Variants in LHFPL5 observed in about 807,000 individuals in gnomAD.
LHFPL5 encodes the protein LHFPL tetraspan subfamily member 5 protein.
A neutral mutation model predicts 18.7 loss-of-function variants in LHFPL5; 12 were observed. The ratio of observed to expected loss-of-function variants is 0.64; its 90% CI spans 0.41 to 1.04. The LOEUF (loss-of-function observed/expected upper bound fraction) is 1.04. Ranked by LOEUF, LHFPL5 falls within the 50% of genes least tolerant of loss-of-function variation. LHFPL5 has a pLI of 0.00. For synonymous variants in LHFPL5, 111 were observed against 120.2 expected (o/e 0.92, Z 0.50); for missense variants, 259 against 292.1 (o/e 0.89, Z 0.83).
chr6:35,819,565 T>C, intron 3 of LHFPL5, 102 bp downstream of exon 3: 1 of 1,109,318 alleles, frequency 9.0e-7, no homozygotes. Flanking sequence ...GGGGCTGGGC[T>C]GTAAGGCTGT....
intron 1 of LHFPL5, among the ~76,000 whole-genome samples, chr6:35,812,347 T>C (rs1054702624): frequency 6.6e-6 from 1 of 152,150 alleles, no homozygotes; most frequent in African/African-American, 2.4e-5. Flanking sequence ...GGTACAACCT[T>C]GGGACTAGAG....
At chr6:35,821,589 C>T (rs1581976610) in intron 3 of LHFPL5, among the ~76,000 whole-genome samples, 2 of 151,824 alleles carry the variant, frequency 1.3e-5, no homozygotes, top group East Asian at 2.0e-4. Context: ...TCAAGCCATT[C>T]TCCTGCCACA....
chr6:35,814,506 A>T lies in LHFPL5; in HGVS notation c.413-40A>T, dbSNP rs757507163. 6.7e-7 allele frequency: 1 copy of T among 1,489,400 alleles called. No homozygotes were observed. The highest frequency in any genetic ancestry group is 9.4e-7 in the Non-Finnish European group (1 of 1,066,312). The allele number at this position is 1,489,400 out of a possible 1,614,324, so 92.3% of individuals were successfully genotyped here. A position where few individuals can be genotyped will look rare whatever the true frequency, so the allele number is the denominator to read the frequency against. Reference sequence around the variant, plus strand: ...GTGTGGGAGGTAGCGGGCTAGGCACACTCGGCCTGATGCCATGTGCACCCC... The same window carrying T: ...GTGTGGGAGGTAGCGGGCTAGGCACTCTCGGCCTGATGCCATGTGCACCCC... On this transcript the variant is annotated intron_variant, in intron 1 of 3. Coordinates refer to ENST00000360215, the MANE Select transcript of LHFPL5 (RefSeq NM_182548.4). This position sits in a 1 kb window ranked among gnomAD's most constrained non-coding sequence, Gnocchi z 4.2.
chr6:35,805,967 C>A lies in LHFPL5; in HGVS notation c.297C>A (p.Phe99Leu). The change falls in exon 1 of 4, where the codon TTC (phenylalanine) becomes TTA (leucine). Residue 99 changes from phenylalanine to leucine, a missense_variant. By Grantham distance (22) the Phe-to-Leu change is conservative. Transcript: ENST00000360215. The surrounding 1 kb of genome is among the most constrained non-coding windows in gnomAD (Gnocchi z 4.3). ...IPSRAFKTAMFFVALGMFLII... is the reference protein window; with the variant it reads ...IPSRAFKTAMLFVALGMFLII... ...CTAGAGCCTTCAAGACTGCCATGTT[C>A]TTTGTGGCCTTGGGCATGTTCCTCA... 2 of 1,614,232 alleles carry A rather than the reference C, an allele frequency of 1.2e-6. No homozygotes were observed. The highest frequency in any genetic ancestry group is 1.7e-6 in the Non-Finnish European group (2 of 1,180,030).
At chr6:35,815,284 G>T (rs1042811278) in intron 2 of LHFPL5, among the ~76,000 whole-genome samples, 31 of 152,022 alleles carry the variant, frequency 2.0e-4, no homozygotes, top group African/African-American at 7.0e-4. Flanking sequence ...CGTAATGTTC[G>T]TCCTGTTTCA....
intron 2 of LHFPL5, among the ~76,000 whole-genome samples, chr6:35,818,343 ATATATGTATTTTTT>A (rs1160325576): frequency 0.01 from 75 of 7,320 alleles, 3 homozygotes; most frequent in Non-Finnish European, 0.018. Context: ...ATATATATAT[ATATATGTATTTTTT>A]TTTTTTTTTT....
In LHFPL5 at chr6:35,823,524, AG is replaced by A. The variant is rs1341062494; in HGVS notation, c.*562del. 2 of 151,298 alleles carry A rather than the reference AG, an allele frequency of 1.3e-5. No individual in the cohort carries two copies. The highest frequency in any genetic ancestry group is 6.6e-5 in the Admixed American group (1 of 15,110). The allele number at this position is 151,298 out of a possible 1,614,324, so 9.4% of individuals were successfully genotyped here. A position where few individuals can be genotyped will look rare whatever the true frequency, so the allele number is the denominator to read the frequency against. Reference sequence around the variant, plus strand: ...ACACAAATGCCCAACCAGCTCTAAGAGGGCACTGAAGAGGTGGCTGGACATG... The same window carrying A: ...ACACAAATGCCCAACCAGCTCTAAGAGGCACTGAAGAGGTGGCTGGACATG... On this transcript the variant is annotated 3_prime_UTR_variant, in exon 4 of 4. Transcript: ENST00000360215.
At chr6:35,815,589 G>A (rs1768745057) in intron 2 of LHFPL5, among the ~76,000 whole-genome samples, 1 of 152,150 alleles carries the variant, frequency 6.6e-6, no homozygotes, top group Admixed American at 6.6e-5. Flanking sequence ...TTACACCTCA[G>A]AAACCTCTCC....
chr6:35,812,573 TAA>T (rs1468473565), intron 1 of LHFPL5, among the ~76,000 whole-genome samples: 1 of 152,166 alleles, frequency 6.6e-6, no homozygotes, highest in Non-Finnish European at 1.5e-5. Context: ...CTGTAAATAA[TAA>T]GTCAAGTAAG....
Position 35,818,671 on chromosome 6 carries a change from A to T in LHFPL5, c.650-766A>T, listed in dbSNP as rs540887510. Among the ~76,000 whole-genome samples, 42 of 146,992 alleles carry T rather than the reference A, an allele frequency of 2.9e-4. 1 individual carries two copies. Among genetic ancestry groups the T allele is most frequent in the Admixed American group, 4.1e-4 (6 of 14,658 alleles). On this transcript the variant is annotated intron_variant, in intron 2 of 3. Transcript: ENST00000360215. ...AGCTTGTTAGTGAATTATATTAATT[A>T]AAAAAAAAAGGAAGTGCTGAGGATC...
intron 3 of LHFPL5, among the ~76,000 whole-genome samples, chr6:35,821,745 T>C (rs1007520636): frequency 3.3e-5 from 5 of 152,006 alleles, no homozygotes; most frequent in Non-Finnish European, 5.9e-5. Context: ...CCTCCAGAAG[T>C]GCTGGGATTA....
rs754501690 is a variant in LHFPL5, at chr6:35,814,628, G to A, written c.495G>A (p.Thr165=). 21 of 1,613,968 alleles carry A rather than the reference G, an allele frequency of 1.3e-5. No individual in the cohort carries two copies. The highest frequency in any genetic ancestry group is 6.7e-5 in the East Asian group (3 of 44,874). ...SEVRRMCGEQ[T]GKYTLGHCTI... The stretch of plus-strand genomic sequence containing the variant: ...TGCGGCGCATGTGTGGGGAGCAGAC[G>A]GGCAAGTACACGCTGGGCCACTGCA... The change falls in exon 2 of 4, where the codon ACG becomes ACA. Residue 165 remains threonine (T), a synonymous_variant. Transcript: ENST00000360215. This position sits in a 1 kb window ranked among gnomAD's most constrained non-coding sequence, Gnocchi z 4.2.
At chr6:35,821,567 C>T (rs1364606042) in intron 3 of LHFPL5, among the ~76,000 whole-genome samples, 36 of 151,208 alleles carry the variant, frequency 2.4e-4, no homozygotes, top group African/African-American at 7.5e-4. Flanking sequence ...TGGCAACCTC[C>T]GCCTCCTGGG....
intron 3 of LHFPL5, among the ~76,000 whole-genome samples, chr6:35,822,038 T>G (rs986301612): frequency 2.0e-5 from 3 of 151,734 alleles, no homozygotes; most frequent in African/African-American, 7.3e-5. Context: ...CCTGCCCAGC[T>G]ATAATAATTT....
chr6:35,809,615 C>G (rs1241299173), intron 1 of LHFPL5, among the ~76,000 whole-genome samples: 1 of 152,142 alleles, frequency 6.6e-6, no homozygotes, highest in Non-Finnish European at 1.5e-5. Context: ...GTGATCCTCC[C>G]TCCTCAGCCT....
chr6:35,807,766 A>G (rs1314177538), intron 1 of LHFPL5, among the ~76,000 whole-genome samples: 1 of 152,182 alleles, frequency 6.6e-6, no homozygotes, highest in African/African-American at 2.4e-5. Context: ...CAGGCACCTG[A>G]GGACCAGGAA....
At chr6:35,821,855 C>T (rs1336965029) in intron 3 of LHFPL5, among the ~76,000 whole-genome samples, 1 of 75,510 alleles carries the variant, frequency 1.3e-5, no homozygotes, top group African/African-American at 5.0e-5. Context: ...TGGTGTACCA[C>T]AATTTTTTTT....
rs563776480 is a variant in LHFPL5 at position 35,807,709 on chromosome 6, G to T, written c.412+1627G>T. On this transcript the variant is annotated intron_variant, in intron 1 of 3. Coordinates refer to ENST00000360215, the MANE Select transcript of LHFPL5 (RefSeq NM_182548.4). Reference sequence around the variant, plus strand: ...CCCCCCAACTATAGATGAGGAATCTGCTGCTGAGAGAAAGGACCAGACTTG... The same window carrying T: ...CCCCCCAACTATAGATGAGGAATCTTCTGCTGAGAGAAAGGACCAGACTTG... Among the ~76,000 whole-genome samples, 4 of 152,284 alleles carry T rather than the reference G, an allele frequency of 2.6e-5. No homozygotes were observed. The South Asian group carries it at 6.2e-4, about 24-fold the overall frequency.
intron 1 of LHFPL5, among the ~76,000 whole-genome samples, chr6:35,810,523 T>C (rs1369139426): frequency 6.6e-6 from 1 of 152,058 alleles, no homozygotes; most frequent in Non-Finnish European, 1.5e-5. Context: ...GAGACCATCC[T>C]GGCTAACACA....
Sources: gnomAD v4.1 joint callset for allele counts (sites outside exome capture counted in the v4.1 genomes callset) on GRCh38, gnomAD v4.1.1 for gene constraint, Gnocchi (gnomAD v3.1) non-coding constraint, MANE v1.5 for transcripts, NCBI Gene and HGNC (gene_info 2026-07-23, HGNC 2026-07-21) for gene names.